TSPAN18: variants seen among roughly 807,000 people sequenced by gnomAD.
TSPAN18 encodes tetraspanin-18.
In TSPAN18, 14 loss-of-function variants were observed where a neutral mutation model predicts 27.3. That is an observed-to-expected ratio of 0.51 (90% CI 0.34 to 0.80). TSPAN18 has a LOEUF of 0.80. Among genes scored for constraint, TSPAN18 ranks in the 30% least tolerant of loss-of-function variants. TSPAN18 has a pLI of 0.01. For missense variants in TSPAN18, 268 were observed against 323.9 expected, an observed-to-expected ratio of 0.83 and a Z score of 1.32; for synonymous variants, 143 against 136.5, an observed-to-expected ratio of 1.05 and a Z score of -0.33.
rs78005571 is a variant in TSPAN18 at position 44,903,679 on chromosome 11, G to A, written c.-10-2728G>A. On this transcript the variant is annotated intron_variant, in intron 3 of 9. Transcript: ENST00000520358. Reference sequence around the variant, plus strand: ...AGACCCCTGTGATAGAGAGGATGATGTCATCCGATTTTACCTCCAAAGGCA... The same window carrying A: ...AGACCCCTGTGATAGAGAGGATGATATCATCCGATTTTACCTCCAAAGGCA... 4,925 of 455,804 alleles carry A rather than the reference G, an allele frequency of 0.011. 271 individuals carry two copies. In the East Asian group the frequency reaches 0.19, roughly 18 times the overall value. The allele number at this position is 455,804 out of a possible 1,614,324, so 28.2% of individuals were successfully genotyped here.
intron 2 of TSPAN18, among the ~76,000 whole-genome samples, chr11:44,765,139 A>G (rs1482931437): frequency 2.0e-5 from 3 of 152,146 alleles, no homozygotes; most frequent in Non-Finnish European, 4.4e-5. Flanking sequence ...CTGTCCTCTG[A>G]GCAGCCTCAG....
chr11:44,805,211 C>T (rs1453056602), intron 2 of TSPAN18, among the ~76,000 whole-genome samples: 2 of 152,166 alleles, frequency 1.3e-5, no homozygotes, highest in Non-Finnish European at 2.9e-5. Context: ...GGTGAGTCTC[C>T]TTGGCAGAAA....
At chr11:44,761,895 G>A (rs1565137570) in intron 1 of TSPAN18, among the ~76,000 whole-genome samples, 1 of 152,216 alleles carries the variant, frequency 6.6e-6, no homozygotes, top group Non-Finnish European at 1.5e-5. Flanking sequence ...ATCTGCGCCA[G>A]CCAAGTCCCA....
chr11:44,890,256 C>T (rs1275285288), intron 3 of TSPAN18, among the ~76,000 whole-genome samples: 1 of 152,198 alleles, frequency 6.6e-6, no homozygotes, highest in East Asian at 1.9e-4. Context: ...CCATAGAACT[C>T]AAGGGATTGG....
intron 3 of TSPAN18, among the ~76,000 whole-genome samples, chr11:44,879,344 TC>T (rs1858426149): frequency 6.6e-6 from 1 of 151,802 alleles, no homozygotes; most frequent in Non-Finnish European, 1.5e-5. Flanking sequence ...ATGAACGAAA[TC>T]CCCTGCCCTC....
chr11:44,884,842 T>C (rs1858596189), intron 3 of TSPAN18, among the ~76,000 whole-genome samples: 1 of 152,202 alleles, frequency 6.6e-6, no homozygotes, highest in Non-Finnish European at 1.5e-5. Flanking sequence ...AGTTCTGTTC[T>C]CTCTCCATTC....
chr11:44,794,875 G>GCTCA (rs1856313067), intron 2 of TSPAN18, among the ~76,000 whole-genome samples: 5 of 152,186 alleles, frequency 3.3e-5, no homozygotes, highest in African/African-American at 1.2e-4. Flanking sequence ...GACTAACAGT[G>GCTCA]CTCAGCACAG....
chr11:44,807,398 C>A (rs1453720763), intron 2 of TSPAN18, among the ~76,000 whole-genome samples: 1 of 110,124 alleles, frequency 9.1e-6, no homozygotes, highest in Non-Finnish European at 2.1e-5. Context: ...TGTGGTGGTG[C>A]GTGCCTGTAG....
At chr11:44,823,810 A>G (rs1213074524) in intron 2 of TSPAN18, among the ~76,000 whole-genome samples, 3 of 152,176 alleles carry the variant, frequency 2.0e-5, no homozygotes, top group South Asian at 4.1e-4. Context: ...TGTTTTTGTC[A>G]TCAGCATTTC....
At chr11:44,733,812 A>G (rs1473679722) in intron 1 of TSPAN18, among the ~76,000 whole-genome samples, 1 of 152,202 alleles carries the variant, frequency 6.6e-6, no homozygotes, top group Non-Finnish European at 1.5e-5. Context: ...TGCTACCTGC[A>G]GCTCCCATCC....
intron 2 of TSPAN18, among the ~76,000 whole-genome samples, chr11:44,805,817 GT>G (rs1381695588): frequency 1.3e-5 from 2 of 152,032 alleles, no homozygotes; most frequent in Non-Finnish European, 2.9e-5. Flanking sequence ...GCATTCCGTG[GT>G]TTGTAGACGC....
At chr11:44,885,083 G>A (rs1858603423) in intron 3 of TSPAN18, among the ~76,000 whole-genome samples, 1 of 152,190 alleles carries the variant, frequency 6.6e-6, no homozygotes, top group African/African-American at 2.4e-5. Context: ...GGGTAGCTGT[G>A]ATGGATACAA....
intron 2 of TSPAN18, among the ~76,000 whole-genome samples, chr11:44,785,477 C>T (rs1417502076): frequency 2.7e-5 from 4 of 150,412 alleles, no homozygotes; most frequent in African/African-American, 7.5e-5. Context: ...AGGTGTTTTT[C>T]CCCCCTCGTA....
chr11:44,792,313 G>A (rs538551052), intron 2 of TSPAN18, among the ~76,000 whole-genome samples: 146 of 152,166 alleles, frequency 9.6e-4, no homozygotes, highest in Non-Finnish European at 1.0e-3. Context: ...GAGCATCTGC[G>A]GGGACAGTCG....
chr11:44,746,343 T>G (rs1166009833), intron 1 of TSPAN18, among the ~76,000 whole-genome samples: 2 of 152,184 alleles, frequency 1.3e-5, no homozygotes, highest in East Asian at 3.9e-4. Flanking sequence ...CTGGTCATGC[T>G]GGGGTTCAAT....
At chr11:44,756,640 T>A (rs1433613494) in intron 1 of TSPAN18, among the ~76,000 whole-genome samples, 1 of 152,220 alleles carries the variant, frequency 6.6e-6, no homozygotes, top group Non-Finnish European at 1.5e-5. Flanking sequence ...CTATTCTACA[T>A]GTTTCATGTA....
At chr11:44,908,756 G>GAA (rs1859553793) in intron 4 of TSPAN18, among the ~76,000 whole-genome samples, 2 of 30,526 alleles carry the variant, frequency 6.6e-5, no homozygotes, top group Admixed American at 4.3e-4. Flanking sequence ...GAGAGAGAGA[G>GAA]AGAGAGAGAA....
At chr11:44,735,620 TC>T (rs1393499534) in intron 1 of TSPAN18, among the ~76,000 whole-genome samples, 2 of 148,658 alleles carry the variant, frequency 1.3e-5, no homozygotes, top group African/African-American at 4.9e-5. Context: ...AATGACCTCC[TC>T]TTTTTTTTTT....
chr11:44,911,539 C>G (rs546276498), intron 5 of TSPAN18, among the ~76,000 whole-genome samples: 2 of 152,270 alleles, frequency 1.3e-5, no homozygotes, highest in Non-Finnish European at 2.9e-5. Context: ...CAGCTTGTCA[C>G]GGTGCTCGCA....
Sources: gnomAD v4.1 joint callset for allele counts (sites outside exome capture counted in the v4.1 genomes callset) on GRCh38, gnomAD v4.1.1 for gene constraint, MANE v1.5 for transcripts, NCBI Gene and HGNC (gene_info 2026-07-23, HGNC 2026-07-21) for gene names.